Variants in SUGP1 observed in about 807,000 individuals in gnomAD.
SUGP1 encodes SURP and G-patch domain containing 1.
SUGP1 carries 34 observed loss-of-function variants against 76.5 expected under a neutral mutation model. The observed-to-expected ratio is 0.44, with a 90% CI of 0.34 to 0.59. The LOEUF (loss-of-function observed/expected upper bound fraction) is 0.59, where lower values mean the gene tolerates loss of function less well. Ranked by LOEUF, SUGP1 falls within the 20% of genes least tolerant of loss-of-function variation. The pLI is 0.01. For missense variants in SUGP1, 752 were observed against 851.7 expected (o/e 0.88, Z 1.46); for synonymous variants, 326 against 326.2 (o/e 1.00, Z 0.01).
chr19:19,313,759 T>C (rs1009628308), intron 2 of SUGP1, among the ~76,000 whole-genome samples: 6 of 151,904 alleles, frequency 3.9e-5, no homozygotes, highest in African/African-American at 1.5e-4. Context: ...TCCCAGCACT[T>C]TGGGAGGCAG....
Position 19,276,801 on chromosome 19 carries a change from G to T in SUGP1, c.1912-127C>A. 26 of 1,545,290 alleles carry T rather than the reference G, an allele frequency of 1.7e-5. No individual in the cohort carries two copies. The South Asian group carries it at 2.9e-4, about 17-fold the overall frequency. On this transcript the variant is annotated intron_variant, in intron 13 of 13. Coordinates refer to ENST00000247001, the MANE Select transcript of SUGP1 (RefSeq NM_172231.4). ...AGGTGGCAGGGCAGGCTTGGGGGACGGGTGGGGGCTTGAATGCAGGTGGGT... is the reference window on the plus strand; with the variant it reads ...AGGTGGCAGGGCAGGCTTGGGGGACTGGTGGGGGCTTGAATGCAGGTGGGT...
At chr19:19,292,480 T>C (rs892022704) in intron 8 of SUGP1, among the ~76,000 whole-genome samples, 2 of 151,878 alleles carry the variant, frequency 1.3e-5, no homozygotes, top group Non-Finnish European at 2.9e-5. Context: ...CATGGGCAGA[T>C]CACTTGAGGC....
rs774215081 is a variant in SUGP1, at chr19:19,297,248, T to C, written c.984A>G (p.Thr328=). ...KAKASSTGSF[T]APDPGLKRKS... is the part of the protein sequence containing the mutation. Reference sequence around the variant, plus strand: ...TGCGCTTCAGGCCGGGATCAGGTGCTGTGAAGCTGCCTGTGGAGCTGGCCT... The same window carrying C: ...TGCGCTTCAGGCCGGGATCAGGTGCCGTGAAGCTGCCTGTGGAGCTGGCCT... The change falls in exon 8 of 14, where the codon ACA becomes ACG. Residue 328 remains threonine, a synonymous_variant. Coordinates refer to ENST00000247001, the MANE Select transcript of SUGP1 (RefSeq NM_172231.4). The C allele has an allele frequency of 1.3e-6, 2 of 1,586,412 alleles. No homozygotes were observed. The highest frequency in any genetic ancestry group is 1.7e-6 in the Non-Finnish European group (2 of 1,161,270).
intron 8 of SUGP1, chr19:19,281,011 T>C (rs1439789884): frequency 1.3e-5 from 2 of 152,254 alleles, no homozygotes; most frequent in African/African-American, 4.8e-5. Context: ...TTCCAGCTCA[T>C]CAACACTCGG....
chr19:19,277,133 C>A, intron 12 of SUGP1, 57 bp from the exon 13 acceptor site: 1 of 1,558,662 alleles, frequency 6.4e-7, no homozygotes, highest in Non-Finnish European at 8.6e-7. Flanking sequence ...GGCCGGGGGG[C>A]CGGGCACAGC....
At chr19:19,303,632 C>A in intron 5 of SUGP1, 92 bp downstream of exon 5, 2 of 1,510,918 alleles carry the variant, frequency 1.3e-6, no homozygotes, top group Non-Finnish European at 1.8e-6. Context: ...GAACAGCATC[C>A]GGCCCACACT....
rs2061079119 is a variant in SUGP1 at position 19,279,348 on chromosome 19, T to C, written c.1393A>G (p.Met465Val). 4 of 1,610,144 alleles carry C rather than the reference T, an allele frequency of 2.5e-6. No individual in the cohort carries two copies. The highest frequency in any genetic ancestry group is 3.4e-6 in the Non-Finnish European group (4 of 1,179,754). ...YDMIMQHKRAMQDMQLLWEKA... is the reference protein window; with the variant it reads ...YDMIMQHKRAVQDMQLLWEKA... Reference sequence around the variant, plus strand: ...TCCCACAGCAGCTGCATGTCCTGCATGGCCCGCTTGTGCTGCATGATCATG... The same window carrying C: ...TCCCACAGCAGCTGCATGTCCTGCACGGCCCGCTTGTGCTGCATGATCATG... Residue 465 changes from methionine (M) to valine (V), a missense_variant, in exon 10 of 14, where the codon ATG (methionine) becomes GTG (valine). Around this residue, in one of 2 missense-constraint regions of SUGP1, gnomAD observed 620 missense variants for 617.3 expected, o/e 1.00. Coordinates refer to ENST00000247001, the MANE Select transcript of SUGP1 (RefSeq NM_172231.4).
intron 4 of SUGP1, among the ~76,000 whole-genome samples, chr19:19,304,383 C>T (rs1479962125): frequency 6.6e-6 from 1 of 152,084 alleles, no homozygotes; most frequent in Non-Finnish European, 1.5e-5. Context: ...TCCTTGCCAT[C>T]TGCCAGGACA....
At chr19:19,288,404 T>C (rs529910161) in intron 8 of SUGP1, among the ~76,000 whole-genome samples, 2 of 152,214 alleles carry the variant, frequency 1.3e-5, no homozygotes, top group Non-Finnish European at 2.9e-5. Context: ...TAGTACATAA[T>C]ACATATAACA....
Position 19,276,449 on chromosome 19 carries a change from C to T in SUGP1, c.*199G>A, listed in dbSNP as rs569003403. ...CTCCACAGGCCAATAAGGAGAGCCC[C>T]GAGACAGCATCTTGCATCCCGCTGC... On this transcript the variant is annotated 3_prime_UTR_variant, in exon 14 of 14. Transcript: ENST00000247001. 1.1e-5 allele frequency: 7 copies of T among 630,386 alleles called. No individual in the cohort carries two copies. In the East Asian group the frequency reaches 1.2e-4, roughly 10 times the overall value. The allele number at this position is 630,386 out of a possible 1,614,324, so 39.0% of individuals were successfully genotyped here.
chr19:19,283,705 C>T (rs1218792321), intron 8 of SUGP1, among the ~76,000 whole-genome samples: 1 of 152,114 alleles, frequency 6.6e-6, no homozygotes, highest in Non-Finnish European at 1.5e-5. Context: ...CCGCCCGCCT[C>T]GGCCTCCCAA....
chr19:19,281,301 G>C (rs893880123), intron 8 of SUGP1: 2 of 152,218 alleles, frequency 1.3e-5, no homozygotes, highest in African/African-American at 4.8e-5. Context: ...AAGCCACAGG[G>C]CGACTTCTTC....
At chr19:19,303,896 C>G (rs781481710) in intron 4 of SUGP1, 49 bp from the exon 5 acceptor site, 8 of 1,611,122 alleles carry the variant, frequency 5.0e-6, no homozygotes, top group Non-Finnish European at 6.8e-6. Context: ...ACCCCACAGT[C>G]AATAGGCACA....
chr19:19,315,124 C>T (rs189670536), intron 2 of SUGP1, among the ~76,000 whole-genome samples: 4 of 152,036 alleles, frequency 2.6e-5, no homozygotes, highest in East Asian at 1.9e-4. Context: ...TCTAGGAGTT[C>T]GGGACCAACC....
chr19:19,291,030 T>G (rs975869536), intron 8 of SUGP1, among the ~76,000 whole-genome samples: 3 of 151,974 alleles, frequency 2.0e-5, no homozygotes, highest in African/African-American at 7.3e-5. Flanking sequence ...GGCAGGAGAA[T>G]TGCTTGAACC....
At chr19:19,286,342 G>C (rs1233499666) in intron 8 of SUGP1, among the ~76,000 whole-genome samples, 2 of 152,122 alleles carry the variant, frequency 1.3e-5, no homozygotes, top group Non-Finnish European at 2.9e-5. Flanking sequence ...TCTATGGAGA[G>C]GATTATCAAA....
Position 19,320,462 on chromosome 19 carries a change from C to A in SUGP1, c.34+1G>T. The A allele has an allele frequency of 6.2e-7, 1 of 1,610,432 alleles. No homozygotes were observed. The highest frequency in any genetic ancestry group is 2.2e-5 in the East Asian group (1 of 44,702). On this transcript the variant is annotated splice_donor_variant, in intron 1 of 13. Transcript: ENST00000247001. LOFTEE classifies it high-confidence loss of function. Reference sequence around the variant, plus strand: ...GCCTGAGAGGAGGCGGGGGCTGTTACCTGCAACATCCCGGTTGTCCATCTT... The same window carrying A: ...GCCTGAGAGGAGGCGGGGGCTGTTAACTGCAACATCCCGGTTGTCCATCTT...
intron 8 of SUGP1, among the ~76,000 whole-genome samples, chr19:19,294,636 T>C (rs980018499): frequency 6.6e-6 from 1 of 151,426 alleles, no homozygotes; most frequent in African/African-American, 2.4e-5. Context: ...TCCTTAAAAA[T>C]GACACCAAAA....
chr19:19,290,865 T>C (rs2061176814), intron 8 of SUGP1, among the ~76,000 whole-genome samples: 1 of 152,002 alleles, frequency 6.6e-6, no homozygotes, highest in Non-Finnish European at 1.5e-5. Context: ...ACGCCAGTAA[T>C]CCCAGCACTT....
Sources: gnomAD v4.1 joint callset for allele counts (sites outside exome capture counted in the v4.1 genomes callset) on GRCh38, gnomAD v4.1.1 for gene constraint, gnomAD v4.1.1 regional missense constraint, MANE v1.5 for transcripts, NCBI Gene and HGNC (gene_info 2026-07-23, HGNC 2026-07-21) for gene names.